Variants in SLC30A6 observed in about 807,000 individuals in gnomAD.
The protein encoded by SLC30A6 is zinc transporter 6.
A neutral mutation model predicts 63.0 loss-of-function variants in SLC30A6; 55 were observed. That is an observed-to-expected ratio of 0.87 (90% CI 0.70 to 1.09). SLC30A6 has a LOEUF of 1.09. Ranked by LOEUF, SLC30A6 falls within the 50% of genes least tolerant of loss-of-function variation. The pLI, the probability that SLC30A6 is intolerant of heterozygous loss-of-function variation, is 0.00. For synonymous variants in SLC30A6, 224 were observed against 186.1 expected, an observed-to-expected ratio of 1.20 and a Z score of -1.66; for missense variants, 587 against 549.2, an observed-to-expected ratio of 1.07 and a Z score of -0.69.
chr2:32,218,604 T>G (rs1685907408), intron 13 of SLC30A6, among the ~76,000 whole-genome samples: 1 of 152,210 alleles, frequency 6.6e-6, no homozygotes, highest in African/African-American at 2.4e-5. Flanking sequence ...TCTCCCAGGC[T>G]GGAGTGCAGT....
At chr2:32,168,259 T>C (rs868072003) in intron 1 of SLC30A6, among the ~76,000 whole-genome samples, 1 of 151,972 alleles carries the variant, frequency 6.6e-6, no homozygotes, top group Non-Finnish European at 1.5e-5. Flanking sequence ...TGAAAACCTA[T>C]GGCACTATAT....
At chr2:32,190,694 G>A (rs72796878) in intron 5 of SLC30A6, among the ~76,000 whole-genome samples, 3,300 of 152,052 alleles carry the variant, frequency 0.022, 63 homozygotes, top group Non-Finnish European at 0.033. Flanking sequence ...GGCGCAATTC[G>A]GCTCACTTCA....
intron 12 of SLC30A6, 116 bp from the exon 13 acceptor site, chr2:32,209,377 C>A: frequency 2.8e-6 from 2 of 718,698 alleles, no homozygotes; most frequent in South Asian, 2.0e-5. Context: ...TAATGAGTGT[C>A]CTTGTGCAGG....
At position 32,171,224 on chromosome 2, in the gene SLC30A6, A is replaced by G. The variant is rs1423826264; in HGVS notation, c.4-63A>G. On this transcript the variant is annotated intron_variant, in intron 1 of 13. Coordinates refer to ENST00000282587, the MANE Select transcript of SLC30A6 (RefSeq NM_017964.5). ...TATATCATAGGAACCACTATATCAT[A>G]TCATAGGAACTCTGAAGATGATTAA... The G allele has an allele frequency of 2.6e-5, 35 of 1,363,288 alleles. No homozygotes were observed. The East Asian group carries it at 3.9e-4, about 15-fold the overall frequency. 84.4% of individuals were successfully genotyped at this position (1,363,288 alleles called of 1,614,324 possible). A position where few individuals can be genotyped will look rare whatever the true frequency, so the allele number is the denominator to read the frequency against.
chr2:32,208,173 C>T (rs1684946828), intron 12 of SLC30A6, among the ~76,000 whole-genome samples: 1 of 151,342 alleles, frequency 6.6e-6, no homozygotes, highest in South Asian at 2.1e-4. Flanking sequence ...CTCTATCACC[C>T]AGGCTGGGGT....
Position 32,197,400 on chromosome 2 carries a change from G to A in SLC30A6, c.545+8G>A, listed in dbSNP as rs757736873. ...TGCAGATCTTAGTCGAAGGTAAGAT[G>A]TTATGGAGTTTCATGATATGCATAA... is the stretch of plus-strand genomic sequence containing the variant. On this transcript the variant is annotated splice_region_variant and intron_variant, in intron 9 of 13. Transcript: ENST00000282587. 1 of 1,610,848 alleles carries A rather than the reference G, an allele frequency of 6.2e-7. No homozygotes were observed. Among genetic ancestry groups the A allele is most frequent in the African/African-American group, 1.3e-5 (1 of 74,840 alleles).
rs181341347 is a variant in SLC30A6, at chr2:32,176,182, C to T, written c.218+821C>T. Among the ~76,000 whole-genome samples the T allele has an allele frequency of 1.1e-4, 17 of 152,008 alleles. No homozygotes were observed. In the East Asian group the frequency reaches 1.9e-3, roughly 17 times the overall value. On this transcript the variant is annotated intron_variant, in intron 4 of 13. Coordinates refer to ENST00000282587, the MANE Select transcript of SLC30A6 (RefSeq NM_017964.5). ...AATTATAATTCATACAGAGAGTTTACAGAAAAGGAAATATAAATGACACTT... is the reference window on the plus strand; with the variant it reads ...AATTATAATTCATACAGAGAGTTTATAGAAAAGGAAATATAAATGACACTT...
intron 13 of SLC30A6, among the ~76,000 whole-genome samples, chr2:32,210,379 G>A (rs1291007234): frequency 6.6e-6 from 1 of 152,044 alleles, no homozygotes. Flanking sequence ...GGCGTGGGGT[G>A]TGGCACACGC....
At chr2:32,180,478 G>C (rs1682203076) in intron 4 of SLC30A6, among the ~76,000 whole-genome samples, 1 of 151,758 alleles carries the variant, frequency 6.6e-6, no homozygotes, top group Non-Finnish European at 1.5e-5. Flanking sequence ...ACCCAAGCTA[G>C]AGTACAGTGG....
chr2:32,206,956 A>AT, intron 12 of SLC30A6, 23 bp downstream of exon 12: 1 of 1,566,150 alleles, frequency 6.4e-7, no homozygotes, highest in Non-Finnish European at 8.8e-7. Context: ...AGTAAATAAA[A>AT]TCATTTTATT....
At chr2:32,202,099 A>G (rs1382088468) in intron 10 of SLC30A6, 5 of 754,610 alleles carry the variant, frequency 6.6e-6, no homozygotes, top group Non-Finnish European at 8.7e-6. Context: ...GGAGACCTTA[A>G]CACATGAACA....
chr2:32,170,076 A>G (rs1257122573), intron 1 of SLC30A6, among the ~76,000 whole-genome samples: 1 of 152,034 alleles, frequency 6.6e-6, no homozygotes, highest in Non-Finnish European at 1.5e-5. Flanking sequence ...AGGGTATTAC[A>G]TTCGCCCATG....
chr2:32,188,289 C>A (rs1297427873), intron 5 of SLC30A6, among the ~76,000 whole-genome samples: 1 of 152,146 alleles, frequency 6.6e-6, no homozygotes, highest in African/African-American at 2.4e-5. Flanking sequence ...GACTGAATGG[C>A]CCAATCAAAA....
chr2:32,184,557 G>A (rs1682636723), intron 5 of SLC30A6, among the ~76,000 whole-genome samples: 1 of 152,174 alleles, frequency 6.6e-6, no homozygotes, highest in Non-Finnish European at 1.5e-5. Context: ...CTTAGGTCAG[G>A]AGTTTGAGAC....
intron 5 of SLC30A6, among the ~76,000 whole-genome samples, chr2:32,186,231 C>T (rs1053006077): frequency 3.3e-5 from 5 of 152,172 alleles, no homozygotes; most frequent in African/African-American, 7.2e-5. Context: ...GATGGAGTGT[C>T]GCCATGTTGG....
At chr2:32,183,400 G>T (rs1226899679) in intron 4 of SLC30A6, among the ~76,000 whole-genome samples, 1 of 151,968 alleles carries the variant, frequency 6.6e-6, no homozygotes, top group East Asian at 1.9e-4. Context: ...TGGCTTTTCG[G>T]CCAGGCGCGG....
intron 13 of SLC30A6, among the ~76,000 whole-genome samples, chr2:32,216,296 G>A (rs1220435613): frequency 1.3e-5 from 2 of 152,130 alleles, no homozygotes; most frequent in African/African-American, 2.4e-5. Context: ...AGCACTTTGG[G>A]AGGCCGAGGC....
intron 1 of SLC30A6, among the ~76,000 whole-genome samples, chr2:32,167,378 A>G (rs1235532029): frequency 2.3e-5 from 3 of 131,334 alleles, no homozygotes; most frequent in Admixed American, 8.3e-5. Flanking sequence ...CCAGGCCACA[A>G]ACTCTTTTTT....
chr2:32,220,198 T>A lies in SLC30A6; in HGVS notation c.886-15T>A. 1 of 1,597,646 alleles carries A rather than the reference T, an allele frequency of 6.3e-7. No individual in the cohort carries two copies. Among genetic ancestry groups the A allele is most frequent in the Non-Finnish European group, 8.6e-7 (1 of 1,168,786 alleles). On this transcript the variant is annotated splice_polypyrimidine_tract_variant and intron_variant, in intron 13 of 13. Transcript: ENST00000282587. Reference sequence around the variant, plus strand: ...ATTCTAAGCAATCTCTTTGTTATGATTTTGCCCCTTTTAGGCTGGATCAGT... The same window carrying A: ...ATTCTAAGCAATCTCTTTGTTATGAATTTGCCCCTTTTAGGCTGGATCAGT...
Sources: allele counts gnomAD v4.1 joint callset (sites outside exome capture counted in the v4.1 genomes callset), GRCh38; gene constraint gnomAD v4.1.1; transcripts MANE v1.5; gene names NCBI Gene and HGNC (gene_info 2026-07-23, HGNC 2026-07-21).